The following PPP2CB variants were observed in gnomAD, a reference collection of about 807,000 sequenced individuals.
The protein encoded by PPP2CB is serine/threonine-protein phosphatase 2A catalytic subunit beta isoform.
In PPP2CB, 18 loss-of-function variants were observed where a neutral mutation model predicts 39.1. The observed-to-expected ratio is 0.46, with a 90% CI of 0.32 to 0.68. The LOEUF (loss-of-function observed/expected upper bound fraction) is 0.68, where lower values mean the gene tolerates loss of function less well. PPP2CB is among the 30% of genes least tolerant of loss of function. The pLI is 0.04. For missense variants in PPP2CB, 226 were observed against 396.9 expected (o/e 0.57, Z 3.66); for synonymous variants, 129 against 133.8 (o/e 0.96, Z 0.25).
chr8:30,800,818 T>C (rs1806608459), intron 1 of PPP2CB, among the ~76,000 whole-genome samples: 1 of 152,084 alleles, frequency 6.6e-6, no homozygotes, highest in Admixed American at 6.6e-5. Context: ...CATGAGAAAT[T>C]AGAAACAGAA....
chr8:30,799,837 A>C, intron 1 of PPP2CB, 82 bp from the exon 2 acceptor site: 3 of 1,237,140 alleles, frequency 2.4e-6, no homozygotes, highest in Non-Finnish European at 3.5e-6. Flanking sequence ...GGAAAAAAAC[A>C]CTTGAAAAGT....
chr8:30,787,387 TGGA>T (rs1483199666), intron 6 of PPP2CB, among the ~76,000 whole-genome samples: 1 of 152,236 alleles, frequency 6.6e-6, no homozygotes, highest in African/African-American at 2.4e-5. Flanking sequence ...TTGCCCAAGC[TGGA>T]GTGCAGTGGT....
At chr8:30,810,953 T>C (rs1806815716) in intron 1 of PPP2CB, among the ~76,000 whole-genome samples, 2 of 152,204 alleles carry the variant, frequency 1.3e-5, no homozygotes, top group Non-Finnish European at 2.9e-5. Context: ...CTTCTAAACA[T>C]TACGGTTAAG....
intron 1 of PPP2CB, among the ~76,000 whole-genome samples, chr8:30,811,838 CAA>C (rs1161301290): frequency 6.6e-6 from 1 of 152,100 alleles, no homozygotes; most frequent in Non-Finnish European, 1.5e-5. Flanking sequence ...GTTCACCTGA[CAA>C]AAATTCTGCA....
chr8:30,794,384 A>G, intron 3 of PPP2CB, 103 bp from the exon 4 acceptor site: 1 of 946,450 alleles, frequency 1.1e-6, no homozygotes, highest in Non-Finnish European at 1.6e-6. Context: ...TAGTGCCAAC[A>G]TTTAAACATA....
intron 6 of PPP2CB, chr8:30,786,590 G>T: frequency 5.6e-6 from 1 of 177,142 alleles, no homozygotes; most frequent in Non-Finnish European, 1.1e-5. Flanking sequence ...AATAATTAAA[G>T]ATTAAATAAT....
At chr8:30,792,619 CT>C (rs770242496) in intron 5 of PPP2CB, among the ~76,000 whole-genome samples, 300 of 131,328 alleles carry the variant, frequency 2.3e-3, no homozygotes, top group East Asian at 3.2e-3. Context: ...AACTTTTTGA[CT>C]TTTTTTTTTT....
chr8:30,800,750 T>C (rs1806607626), intron 1 of PPP2CB, among the ~76,000 whole-genome samples: 1 of 152,234 alleles, frequency 6.6e-6, no homozygotes, highest in Non-Finnish European at 1.5e-5. Context: ...TCAGGCCTTA[T>C]TCTGGGCCTA....
chr8:30,790,924 G>T, intron 6 of PPP2CB: 1 of 282,210 alleles, frequency 3.5e-6, no homozygotes, highest in Non-Finnish European at 6.5e-6. Context: ...GCAAGTCATA[G>T]CTCAAATGCC....
intron 1 of PPP2CB, among the ~76,000 whole-genome samples, chr8:30,809,063 C>T (rs1806774567): frequency 6.6e-6 from 1 of 150,522 alleles, no homozygotes; most frequent in Non-Finnish European, 1.5e-5. Flanking sequence ...GAGTGCAACA[C>T]TACGCCCAGC....
chr8:30,803,819 A>ATT (rs530807091), intron 1 of PPP2CB, among the ~76,000 whole-genome samples: 12 of 145,266 alleles, frequency 8.3e-5, no homozygotes, highest in African/African-American at 1.5e-4. Context: ...ACAAAATACA[A>ATT]TTTTTTTTTT....
intron 6 of PPP2CB, among the ~76,000 whole-genome samples, chr8:30,789,366 T>G (rs1292226082): frequency 6.6e-6 from 1 of 152,220 alleles, no homozygotes; most frequent in Non-Finnish European, 1.5e-5. Context: ...GCCTGGCTAC[T>G]GAGGGGCTGT....
At chr8:30,792,548 A>T (rs1806456277) in intron 5 of PPP2CB, among the ~76,000 whole-genome samples, 1 of 150,986 alleles carries the variant, frequency 6.6e-6, no homozygotes, top group African/African-American at 2.4e-5. Flanking sequence ...GCCTCAAGTG[A>T]CCCTCTCACC....
chr8:30,799,841 G>T, intron 1 of PPP2CB, 86 bp from the exon 2 acceptor site: 1 of 1,158,052 alleles, frequency 8.6e-7, no homozygotes, highest in Non-Finnish European at 1.3e-6. Flanking sequence ...AAAAACACTT[G>T]AAAAGTGCCT....
At chr8:30,801,601 G>C (rs1358322863) in intron 1 of PPP2CB, among the ~76,000 whole-genome samples, 1 of 152,024 alleles carries the variant, frequency 6.6e-6, no homozygotes, top group East Asian at 1.9e-4. Flanking sequence ...TTAGACTGGT[G>C]GGGGAGAGAG....
intron 5 of PPP2CB, among the ~76,000 whole-genome samples, chr8:30,791,907 TGTATATACATACAC>T (rs1401601017): frequency 3.9e-5 from 6 of 151,964 alleles, no homozygotes; most frequent in African/African-American, 1.4e-4. Context: ...TATATACATG[TGTATATACATACAC>T]GTATATATGT....
intron 1 of PPP2CB, among the ~76,000 whole-genome samples, chr8:30,804,024 C>T (rs1320060897): frequency 1.3e-5 from 2 of 152,060 alleles, no homozygotes; most frequent in South Asian, 2.1e-4. Context: ...GGTTTCACCA[C>T]GTTGGCCAGA....
intron 1 of PPP2CB, among the ~76,000 whole-genome samples, chr8:30,811,693 G>A (rs898884942): frequency 6.6e-6 from 1 of 150,596 alleles, no homozygotes; most frequent in African/African-American, 2.4e-5. Context: ...GTGGAGACGG[G>A]GCCTCACTAT....
chr8:30,796,095 T>C (rs1806521068), intron 3 of PPP2CB, among the ~76,000 whole-genome samples: 1 of 152,254 alleles, frequency 6.6e-6, no homozygotes, highest in Admixed American at 6.5e-5. Context: ...TTATTATTAA[T>C]GAAGACTATG....
Sources: allele counts gnomAD v4.1 joint callset (sites outside exome capture counted in the v4.1 genomes callset), GRCh38; gene constraint gnomAD v4.1.1; transcripts MANE v1.5; gene names NCBI Gene and HGNC (gene_info 2026-07-23, HGNC 2026-07-21).